Variants in MYO5B observed in about 807,000 individuals in gnomAD.
MYO5B encodes the protein unconventional myosin-Vb.
A neutral mutation model predicts 229.3 loss-of-function variants in MYO5B; 143 were observed. The observed-to-expected ratio is 0.62, with a 90% CI of 0.54 to 0.72. The LOEUF is 0.72. MYO5B is among the 30% of genes least tolerant of loss of function. The pLI is 0.00. For synonymous variants in MYO5B, 918 were observed against 885.2 expected (o/e 1.04, Z -0.66); for missense variants, 2,321 against 2,331.0 (o/e 1.00, Z 0.09).
intron 14 of MYO5B, among the ~76,000 whole-genome samples, chr18:49,942,467 TG>T (rs1435130805): frequency 6.7e-6 from 1 of 150,296 alleles, no homozygotes; most frequent in Admixed American, 6.6e-5. Flanking sequence ...TCTACTCATC[TG>T]ACAAAGGGCT....
intron 10 of MYO5B, among the ~76,000 whole-genome samples, chr18:49,969,312 G>A (rs2025661939): frequency 6.6e-6 from 1 of 152,178 alleles, no homozygotes; most frequent in African/African-American, 2.4e-5. Flanking sequence ...ATTTTGGAGA[G>A]CGAGACCAAG....
In MYO5B at chr18:49,853,487, C is replaced by T. The variant is rs200614244; in HGVS notation, c.4183G>A (p.Val1395Ile). Residue 1395 changes from valine (V) to isoleucine (I), a missense_variant, in exon 31 of 40, where the codon GTT becomes ATT. Val to Ile is a conservative substitution (Grantham distance 29). Coordinates refer to ENST00000285039, the MANE Select transcript of MYO5B (RefSeq NM_001080467.3). ...GTCAGCCGGGATATTTCCTGCTGAA[C>T]GCCGAATTCCACCTGGGCCTCTGGG... ...LSPEAQVEFG[V>I]QQEISRLTNE... is the part of the protein sequence containing the mutation. The T allele has an allele frequency of 1.7e-5, 28 of 1,614,188 alleles. No homozygotes were observed. The highest frequency in any genetic ancestry group is 4.0e-5 in the African/African-American group (3 of 75,066).
rs117297083 is a variant in MYO5B at position 49,992,011 on chromosome 18, T to C, written c.756+277A>G. Among the ~76,000 whole-genome samples the C allele has an allele frequency of 1.6e-4, 25 of 152,368 alleles. No individual in the cohort carries two copies. In the East Asian group the frequency reaches 3.9e-3, roughly 23 times the overall value. On this transcript the variant is annotated intron_variant, in intron 6 of 39. Transcript: ENST00000285039. ...GGAAAAGTTCTGTCTTGTCCTTTAC[T>C]GTATCTTTGGTGCCTAGGACAGAGC...
intron 12 of MYO5B, among the ~76,000 whole-genome samples, chr18:49,961,719 T>A (rs1301268784): frequency 6.6e-6 from 1 of 152,198 alleles, no homozygotes; most frequent in East Asian, 1.9e-4. Context: ...AGGTAATTGA[T>A]AAAACCCAGA....
At chr18:50,127,662 G>T (rs764393547) in intron 1 of MYO5B, among the ~76,000 whole-genome samples, 2 of 152,134 alleles carry the variant, frequency 1.3e-5, no homozygotes, top group African/African-American at 4.8e-5. Flanking sequence ...GATTTAGGTG[G>T]GGCTTTAAAG....
chr18:50,127,571 G>C (rs894216128), intron 1 of MYO5B, among the ~76,000 whole-genome samples: 1 of 152,206 alleles, frequency 6.6e-6, no homozygotes, highest in African/African-American at 2.4e-5. Flanking sequence ...CCCTGGTGGA[G>C]CGCATAAAAG....
At chr18:49,833,111 G>A (rs1440426366) in intron 39 of MYO5B, among the ~76,000 whole-genome samples, 1 of 152,118 alleles carries the variant, frequency 6.6e-6, no homozygotes, top group Non-Finnish European at 1.5e-5. Context: ...ATTTTAGAGA[G>A]TATAAAAATG....
intron 1 of MYO5B, among the ~76,000 whole-genome samples, chr18:50,162,765 G>A (rs1377432516): frequency 1.3e-5 from 2 of 152,298 alleles, no homozygotes; most frequent in African/African-American, 4.8e-5. Flanking sequence ...ACCTTTCTGA[G>A]GCAGCACCAT....
At chr18:50,135,368 AT>A (rs1245088724) in intron 1 of MYO5B, among the ~76,000 whole-genome samples, 1 of 152,230 alleles carries the variant, frequency 6.6e-6, no homozygotes, top group Non-Finnish European at 1.5e-5. Flanking sequence ...AAAGATATCA[AT>A]TATGTAATGA....
chr18:49,882,410 A>G (rs2024597400), intron 22 of MYO5B, among the ~76,000 whole-genome samples: 1 of 151,866 alleles, frequency 6.6e-6, no homozygotes, highest in South Asian at 2.1e-4. Context: ...TGGGCAGATA[A>G]CGAGGTCAGG....
intron 1 of MYO5B, among the ~76,000 whole-genome samples, chr18:50,161,545 G>T (rs113735744): frequency 6.6e-6 from 1 of 152,124 alleles, no homozygotes; most frequent in African/African-American, 2.4e-5. Flanking sequence ...GGGGGCACAG[G>T]AGTCACTGCT....
rs553050934 is a variant in MYO5B, at chr18:49,822,945, A to G, written c.*3526T>C. ...AAAGTGGGAAAATATTTTCATCAGT[A>G]GTCTTTCTTCCATGGTGTTGGATTC... On this transcript the variant is annotated 3_prime_UTR_variant, in exon 40 of 40. Coordinates refer to ENST00000285039, the MANE Select transcript of MYO5B (RefSeq NM_001080467.3). The G allele has an allele frequency of 1.2e-3, 182 of 152,334 alleles. 1 individual carries two copies. The highest frequency in any genetic ancestry group is 4.2e-3 in the African/African-American group (176 of 41,582). 9.4% of individuals were successfully genotyped at this position (152,334 alleles called of 1,614,324 possible). A position where few individuals can be genotyped will look rare whatever the true frequency, so the allele number is the denominator to read the frequency against.
At chr18:50,019,951 T>C (rs1311657340) in intron 4 of MYO5B, among the ~76,000 whole-genome samples, 1 of 152,132 alleles carries the variant, frequency 6.6e-6, no homozygotes, top group African/African-American at 2.4e-5. Context: ...GGGTCTGTGG[T>C]CACAGACCAG....
At chr18:50,167,437 A>G (rs1315941791) in intron 1 of MYO5B, among the ~76,000 whole-genome samples, 2 of 152,244 alleles carry the variant, frequency 1.3e-5, no homozygotes, top group Admixed American at 6.5e-5. Context: ...TCCCCACTCC[A>G]TTCCACATTC....
At chr18:49,996,941 A>C (rs1384043558) in intron 5 of MYO5B, among the ~76,000 whole-genome samples, 8 of 152,232 alleles carry the variant, frequency 5.3e-5, no homozygotes, top group Admixed American at 5.2e-4. Context: ...AGATTCTTGT[A>C]AAAATGGGTT....
chr18:49,854,802 C>T (rs758316156), intron 30 of MYO5B, among the ~76,000 whole-genome samples: 1 of 152,104 alleles, frequency 6.6e-6, no homozygotes, highest in Non-Finnish European at 1.5e-5. Context: ...TATCATAAGA[C>T]AGGTGGGACC....
At chr18:50,040,910 T>G (rs1342478856) in intron 2 of MYO5B, among the ~76,000 whole-genome samples, 2 of 152,210 alleles carry the variant, frequency 1.3e-5, no homozygotes, top group Non-Finnish European at 2.9e-5. Context: ...AAATCTCAGA[T>G]GCGAGGTGTT....
chr18:50,170,321 G>A (rs1336621779), intron 1 of MYO5B, among the ~76,000 whole-genome samples: 3 of 126,882 alleles, frequency 2.4e-5, no homozygotes, highest in African/African-American at 9.0e-5. Flanking sequence ...GTACTATTTC[G>A]ATAATACATT....
At chr18:49,941,876 C>A (rs1360383641) in intron 14 of MYO5B, among the ~76,000 whole-genome samples, 1 of 141,922 alleles carries the variant, frequency 7.0e-6, no homozygotes, top group African/African-American at 2.7e-5. Flanking sequence ...CCAAGTCAAT[C>A]CTAAGCCAAA....
Sources: gnomAD v4.1 joint callset for allele counts (sites outside exome capture counted in the v4.1 genomes callset) on GRCh38, gnomAD v4.1.1 for gene constraint, MANE v1.5 for transcripts, NCBI Gene and HGNC (gene_info 2026-07-23, HGNC 2026-07-21) for gene names.